RORA: variants seen among roughly 807,000 people sequenced by gnomAD.
RORA encodes nuclear receptor ROR-alpha.
In RORA, 7 loss-of-function variants were observed where a neutral mutation model predicts 69.5. That is an observed-to-expected ratio of 0.10 (90% confidence interval 0.06 to 0.19). The LOEUF (loss-of-function observed/expected upper bound fraction) is 0.19, where lower values mean the gene tolerates loss of function less well. Ranked by LOEUF, RORA falls within the 10% of genes least tolerant of loss-of-function variation. The probability of loss-of-function intolerance (pLI) is 1.00; values close to 1 mark genes in which losing one functional copy is unlikely to be tolerated. For missense variants in RORA, 457 were observed against 663.0 expected, an observed-to-expected ratio of 0.69 and a Z score of 3.41; for synonymous variants, 261 against 240.8, an observed-to-expected ratio of 1.08 and a Z score of -0.78.
chr15:60,786,705 T>G (rs890470915), intron 1 of RORA, among the ~76,000 whole-genome samples: 5 of 152,252 alleles, frequency 3.3e-5, no homozygotes, highest in African/African-American at 7.2e-5. Context: ...ACTGCCCATC[T>G]GCCCTGAGGT....
In RORA at chr15:60,998,755, G is replaced by A. The variant is rs754556645; in HGVS notation, c.166+230298C>T. Among the ~76,000 whole-genome samples, 112 of 152,146 alleles carry A rather than the reference G, an allele frequency of 7.4e-4. 2 individuals carry two copies. The highest frequency in any genetic ancestry group is 2.4e-4 in the Non-Finnish European group (16 of 68,026). On this transcript the variant is annotated intron_variant, in intron 1 of 10. Coordinates refer to ENST00000335670, the MANE Select transcript of RORA (RefSeq NM_134261.3). ...AGGCTGATAACTATGTGATATTCTTGACAGGTCCCCAGTGTCTCTCTCAGC... is the reference window on the plus strand; with the variant it reads ...AGGCTGATAACTATGTGATATTCTTAACAGGTCCCCAGTGTCTCTCTCAGC...
chr15:60,684,642 C>A (rs1345548446), intron 1 of RORA, among the ~76,000 whole-genome samples: 1 of 152,114 alleles, frequency 6.6e-6, no homozygotes, highest in African/African-American at 2.4e-5. Context: ...CCACTCAAAA[C>A]CATGCCATGT....
rs187925507 is a variant in RORA, at chr15:60,838,596, G to T, written c.167-159910C>A. ...AGAAAAAAAAGTGGCAGAAGCCACA[G>T]TAGGTTCATGGGGAACCCCACTCAC... On this transcript the variant is annotated intron_variant, in intron 1 of 10. Coordinates refer to ENST00000335670, the MANE Select transcript of RORA (RefSeq NM_134261.3). Among the ~76,000 whole-genome samples the T allele has an allele frequency of 8.0e-4, 122 of 152,300 alleles. 1 individual carries two copies. The highest frequency in any genetic ancestry group is 2.9e-3 in the African/African-American group (121 of 41,586).
chr15:60,530,913 G>C (rs940929138), intron 3 of RORA: 1 of 152,092 alleles, frequency 6.6e-6, no homozygotes, highest in South Asian at 2.1e-4. Flanking sequence ...AAGCTGTCTC[G>C]AGGCCCTTCC....
chr15:61,098,511 T>C (rs1595984069), intron 1 of RORA, among the ~76,000 whole-genome samples: 1 of 151,926 alleles, frequency 6.6e-6, no homozygotes, highest in East Asian at 1.9e-4. Flanking sequence ...CAGCTAATAT[T>C]TTGTATTTTT....
At chr15:60,999,232 G>A (rs565103610) in intron 1 of RORA, among the ~76,000 whole-genome samples, 259 of 152,248 alleles carry the variant, frequency 1.7e-3, no homozygotes, top group Non-Finnish European at 3.1e-3. Context: ...CATCCTCATC[G>A]TTTGATAGAA....
intron 1 of RORA, among the ~76,000 whole-genome samples, chr15:60,735,634 T>C (rs2071487058): frequency 6.6e-6 from 1 of 151,208 alleles, no homozygotes; most frequent in East Asian, 1.9e-4. Context: ...AAACAGAAGG[T>C]GAGTTCAAAA....
At chr15:60,998,053 A>C (rs1462594637) in intron 1 of RORA, among the ~76,000 whole-genome samples, 1 of 152,246 alleles carries the variant, frequency 6.6e-6, no homozygotes, top group Non-Finnish European at 1.5e-5. Flanking sequence ...TCTAGAGACC[A>C]ATAGGTGTGG....
chr15:61,040,156 ATATATAT>A (rs1566958474), intron 1 of RORA, among the ~76,000 whole-genome samples: 8 of 125,074 alleles, frequency 6.4e-5, no homozygotes, highest in African/African-American at 2.1e-4. Flanking sequence ...ATATATATAT[ATATATAT>A]AAAATATATG....
intron 1 of RORA, chr15:60,686,593 A>G (rs1345166206): frequency 6.6e-6 from 1 of 152,236 alleles, no homozygotes; most frequent in Non-Finnish European, 1.5e-5. Flanking sequence ...AGAATTGAGC[A>G]GTTTTATCTT....
intron 1 of RORA, among the ~76,000 whole-genome samples, chr15:61,026,928 G>A (rs1895847905): frequency 6.6e-6 from 1 of 151,928 alleles, no homozygotes; most frequent in Non-Finnish European, 1.5e-5. Context: ...TCAGTCAGAG[G>A]TGAGGATTTT....
chr15:61,162,418 C>T (rs1291245528), intron 1 of RORA, among the ~76,000 whole-genome samples: 6 of 152,136 alleles, frequency 3.9e-5, no homozygotes, highest in African/African-American at 1.4e-4. Context: ...CAAAAGGCCA[C>T]ACACGAAAGC....
intron 1 of RORA, among the ~76,000 whole-genome samples, chr15:60,822,462 C>A (rs1216645336): frequency 6.6e-6 from 1 of 152,206 alleles, no homozygotes; most frequent in Non-Finnish European, 1.5e-5. Flanking sequence ...TGGAAACGCT[C>A]CACACTGGAG....
chr15:60,695,951 C>T (rs2070897802), intron 1 of RORA, among the ~76,000 whole-genome samples: 1 of 152,104 alleles, frequency 6.6e-6, no homozygotes, highest in African/African-American at 2.4e-5. Context: ...ACTGTTCCCG[C>T]GACCACCAAG....
chr15:60,988,545 T>C (rs899274088), intron 1 of RORA, among the ~76,000 whole-genome samples: 2 of 152,176 alleles, frequency 1.3e-5, no homozygotes, highest in Non-Finnish European at 2.9e-5. Context: ...GCAAAACACT[T>C]GCCCCGCTGA....
At chr15:60,611,584 A>AAAAAAAAAAAAAAAAAC (rs2069091165) in intron 2 of RORA, among the ~76,000 whole-genome samples, 1 of 146,784 alleles carries the variant, frequency 6.8e-6, no homozygotes, top group African/African-American at 2.5e-5. Context: ...AAAAAAAAAA[A>AAAAAAAAAAAAAAAAAC]AAAAAGGTGG....
intron 1 of RORA, among the ~76,000 whole-genome samples, chr15:60,817,730 G>A (rs1376818178): frequency 6.6e-6 from 1 of 152,146 alleles, no homozygotes; most frequent in African/African-American, 2.4e-5. Flanking sequence ...GGCCCCTCTA[G>A]GGTGCACCCA....
intron 3 of RORA, among the ~76,000 whole-genome samples, chr15:60,516,461 G>C (rs2065962753): frequency 6.7e-6 from 1 of 149,692 alleles, no homozygotes; most frequent in East Asian, 2.0e-4. Flanking sequence ...AAAAAAATAA[G>C]GTAAGTAGAG....
At chr15:60,822,222 T>TATC (rs2072902165) in intron 1 of RORA, among the ~76,000 whole-genome samples, 1 of 152,194 alleles carries the variant, frequency 6.6e-6, no homozygotes, top group South Asian at 2.1e-4. Context: ...GAAGCATAGT[T>TATC]ATCTCCTAGT....
Sources: gnomAD v4.1 joint callset for allele counts (sites outside exome capture counted in the v4.1 genomes callset) on GRCh38, gnomAD v4.1.1 for gene constraint, MANE v1.5 for transcripts, NCBI Gene and HGNC (gene_info 2026-07-23, HGNC 2026-07-21) for gene names.